TMEM132D: variants seen among roughly 807,000 people sequenced by gnomAD.
The protein encoded by TMEM132D is transmembrane protein 132D, also known as mature OL transmembrane protein.
A neutral mutation model predicts 62.3 loss-of-function variants in TMEM132D; 21 were observed. The observed-to-expected ratio is 0.34, with a 90% CI of 0.24 to 0.49. TMEM132D has a LOEUF of 0.49. Among genes scored for constraint, TMEM132D ranks in the 20% least tolerant of loss-of-function variants. The pLI is 0.99. For synonymous variants in TMEM132D, 621 were observed against 575.6 expected (o/e 1.08, Z -1.13); for missense variants, 1,346 against 1,402.8 (o/e 0.96, Z 0.65).
chr12:129,234,042 G>A (rs1879717801), intron 4 of TMEM132D, among the ~76,000 whole-genome samples: 2 of 152,270 alleles, frequency 1.3e-5, no homozygotes, highest in East Asian at 3.9e-4. Flanking sequence ...CAACCATTGA[G>A]TTAGATATGT....
chr12:129,726,771 A>C (rs529109534), intron 1 of TMEM132D, among the ~76,000 whole-genome samples: 1 of 152,240 alleles, frequency 6.6e-6, no homozygotes, highest in African/African-American at 2.4e-5. Flanking sequence ...GGGGGTGATA[A>C]GTCACCAACT....
intron 3 of TMEM132D, among the ~76,000 whole-genome samples, chr12:129,503,970 C>T (rs1008790846): frequency 6.7e-6 from 1 of 150,096 alleles, no homozygotes; most frequent in Non-Finnish European, 1.5e-5. Context: ...TTGTCATCAT[C>T]ATCACTATTG....
At chr12:129,859,611 G>T (rs1253655752) in intron 1 of TMEM132D, among the ~76,000 whole-genome samples, 2 of 152,146 alleles carry the variant, frequency 1.3e-5, no homozygotes, top group African/African-American at 4.8e-5. Context: ...AGTGTGGGCG[G>T]GCACCAACCA....
At chr12:129,233,013 G>A (rs1879684290) in intron 4 of TMEM132D, among the ~76,000 whole-genome samples, 1 of 152,008 alleles carries the variant, frequency 6.6e-6, no homozygotes, top group Non-Finnish European at 1.5e-5. Flanking sequence ...GTTTGGGTGG[G>A]GACACAGAGC....
rs145740107 is a variant in TMEM132D, at chr12:129,508,692, T to G, written c.1115+22367A>C. ...AAAGGAGCTATTGCATATATCACAC[T>G]TCTTGTAAATGTATCCCCCAAAATA... On this transcript the variant is annotated intron_variant, in intron 3 of 8. Coordinates refer to ENST00000422113, the MANE Select transcript of TMEM132D (RefSeq NM_133448.3). Among the ~76,000 whole-genome samples the G allele has an allele frequency of 9.6e-3, 1,454 of 152,212 alleles. 25 individuals are homozygous for G. The highest frequency in any genetic ancestry group is 0.034 in the African/African-American group (1,399 of 41,528).
chr12:129,846,420 T>C (rs1343457898), intron 1 of TMEM132D, among the ~76,000 whole-genome samples: 1 of 152,214 alleles, frequency 6.6e-6, no homozygotes, highest in Non-Finnish European at 1.5e-5. Flanking sequence ...TATATAGAAT[T>C]CTAGGTCCTT....
rs34249925 is a variant in TMEM132D at position 129,468,185 on chromosome 12, T to TTGTGTGTG, written c.1115+62866_1115+62873dup. 4.9e-3 allele frequency among the ~76,000 whole-genome samples: 747 copies of TTGTGTGTG among 151,130 alleles called. 1 individual carries two copies. The highest frequency in any genetic ancestry group is 0.017 in the African/African-American group (684 of 41,248). On this transcript the variant is annotated intron_variant, in intron 3 of 8. Coordinates refer to ENST00000422113, the MANE Select transcript of TMEM132D (RefSeq NM_133448.3). ...TCATTACTGTGCATTACACAAAGCT[T>TTGTGTGTG]TGTGTGTGTGTGTGTGTGTTTTCTC...
intron 1 of TMEM132D, among the ~76,000 whole-genome samples, chr12:129,855,097 CA>C (rs1873685207): frequency 1.5e-5 from 2 of 134,288 alleles, no homozygotes. Flanking sequence ...GCCCTTATAA[CA>C]GAGTCCGGGG....
intron 7 of TMEM132D, among the ~76,000 whole-genome samples, chr12:129,079,254 G>A (rs181455251): frequency 5.9e-5 from 9 of 152,212 alleles, no homozygotes; most frequent in Admixed American, 3.3e-4. Context: ...TCAATCACGC[G>A]TGTCACTGGA....
rs915693761 is a variant in TMEM132D, at chr12:129,867,346, C to T, written c.79+35915G>A. 6.6e-6 allele frequency among the ~76,000 whole-genome samples: 1 copy of T among 152,110 alleles called. No individual in the cohort carries two copies. The highest frequency in any genetic ancestry group is 1.5e-5 in the Non-Finnish European group (1 of 68,020). On this transcript the variant is annotated intron_variant, in intron 1 of 8. Transcript: ENST00000422113. This position sits in a 1 kb window ranked among gnomAD's most constrained non-coding sequence, Gnocchi z 4.5. ...AGACACGAAGTTAAGTGAAATAAGCCAGGCACAGAAACCACATGATCTCAC... is the reference window on the plus strand; with the variant it reads ...AGACACGAAGTTAAGTGAAATAAGCTAGGCACAGAAACCACATGATCTCAC...
chr12:129,474,719 G>C (rs1006120884), intron 3 of TMEM132D, among the ~76,000 whole-genome samples: 1 of 152,204 alleles, frequency 6.6e-6, no homozygotes, highest in Non-Finnish European at 1.5e-5. Context: ...GAGTGCAAAG[G>C]TGAGGGCTGA....
intron 5 of TMEM132D, among the ~76,000 whole-genome samples, chr12:129,130,543 C>T (rs538950988): frequency 4.6e-5 from 7 of 152,310 alleles, no homozygotes; most frequent in Admixed American, 1.3e-4. Flanking sequence ...ACGTTCTTGA[C>T]ACTTGAGATA....
chr12:129,801,959 G>A (rs1173926725), intron 1 of TMEM132D, among the ~76,000 whole-genome samples: 1 of 151,344 alleles, frequency 6.6e-6, no homozygotes, highest in Non-Finnish European at 1.5e-5. Context: ...TGAAATGAAT[G>A]AAATGAAGCG....
intron 1 of TMEM132D, among the ~76,000 whole-genome samples, chr12:129,901,221 G>T (rs561602313): frequency 6.6e-6 from 1 of 152,274 alleles, no homozygotes; most frequent in African/African-American, 2.4e-5. Context: ...TTTCAATATA[G>T]TCCATACTTG....
intron 3 of TMEM132D, among the ~76,000 whole-genome samples, chr12:129,530,029 CAAGAATAAA>C (rs1876168979): frequency 6.6e-6 from 1 of 152,224 alleles, no homozygotes; most frequent in Non-Finnish European, 1.5e-5. Flanking sequence ...AGCAAATCTT[CAAGAATAAA>C]AAGGAAAGGC....
intron 5 of TMEM132D, chr12:129,085,024 G>C: frequency 1.3e-5 from 6 of 477,046 alleles, no homozygotes; most frequent in Non-Finnish European, 2.2e-5. Flanking sequence ...GCCCTTAGGT[G>C]AGTGGAGCTG....
rs1442023359 is a variant in TMEM132D at position 129,081,912 on chromosome 12, A to G, written c.1770T>C (p.Pro590=). The part of the protein sequence containing the change: ...LTQFVAEAAG[P]GGHLAHLLGS... Reference sequence around the variant, plus strand: ...CCAGCAGGTGGGCCAGGTGTCCCCCAGGGCCGGCCGCCTCAGCCACAAACT... The same window carrying G: ...CCAGCAGGTGGGCCAGGTGTCCCCCGGGGCCGGCCGCCTCAGCCACAAACT... The change falls in exon 7 of 9, where the codon CCT becomes CCC. Residue 590 remains proline, a synonymous_variant. Transcript: ENST00000422113. The G allele has an allele frequency of 6.2e-7, 1 of 1,613,878 alleles. No homozygotes were observed. The highest frequency in any genetic ancestry group is 1.3e-5 in the African/African-American group (1 of 74,898).
chr12:129,134,107 GTCTGTGTGT>G (rs1876468109), intron 5 of TMEM132D, among the ~76,000 whole-genome samples: 3 of 117,166 alleles, frequency 2.6e-5, no homozygotes, highest in African/African-American at 9.0e-5. Flanking sequence ...TGTGTTGTGT[GTCTGTGTGT>G]TGTGTGTGTG....
At chr12:129,389,966 C>T (rs1011469409) in intron 3 of TMEM132D, among the ~76,000 whole-genome samples, 2 of 152,208 alleles carry the variant, frequency 1.3e-5, no homozygotes, top group Non-Finnish European at 1.5e-5. Flanking sequence ...GTGCCTTCAT[C>T]GCACTGACTC....
Sources: gnomAD v4.1 joint callset for allele counts (sites outside exome capture counted in the v4.1 genomes callset) on GRCh38, gnomAD v4.1.1 for gene constraint, Gnocchi (gnomAD v3.1) non-coding constraint, MANE v1.5 for transcripts, NCBI Gene and HGNC (gene_info 2026-07-23, HGNC 2026-07-21) for gene names.